Variants in PRICKLE2 observed in about 807,000 individuals in gnomAD.
PRICKLE2 encodes prickle-like protein 2.
A neutral mutation model predicts 81.4 loss-of-function variants in PRICKLE2; 21 were observed. The ratio of observed to expected loss-of-function variants is 0.26; its 90% confidence interval spans 0.18 to 0.37. PRICKLE2 has a LOEUF of 0.37. Among genes scored for constraint, PRICKLE2 ranks in the 10% least tolerant of loss-of-function variants. The probability of loss-of-function intolerance (pLI) is 1.00; values close to 1 mark genes in which losing one functional copy is unlikely to be tolerated. For missense variants in PRICKLE2, 940 were observed against 1,109.0 expected (o/e 0.85, Z 2.16); for synonymous variants, 456 against 421.5 (o/e 1.08, Z -1.00).
At position 64,098,890 on chromosome 3, in the gene PRICKLE2, C is replaced by A. The variant is rs1466012695; in HGVS notation, c.*161G>T. ...TCAACATGCCAAGAACTGTGACTAC[C>A]TATTGAGTCAACCTGTAACCTTGCC... On this transcript the variant is annotated 3_prime_UTR_variant, in exon 8 of 8. Coordinates refer to ENST00000638394, the MANE Select transcript of PRICKLE2 (RefSeq NM_198859.4). 5.4e-6 allele frequency: 4 copies of A among 740,648 alleles called. No homozygotes were observed. The highest frequency in any genetic ancestry group is 9.4e-6 in the Non-Finnish European group (4 of 425,770). The allele number at this position is 740,648 out of a possible 1,614,324, so 45.9% of individuals were successfully genotyped here.
intron 7 of PRICKLE2, among the ~76,000 whole-genome samples, chr3:64,121,292 G>A (rs936125370): frequency 1.0e-3 from 156 of 152,170 alleles, no homozygotes; most frequent in African/African-American, 3.6e-3. Context: ...GAATTTCTAC[G>A]GCACTTCTCA....
chr3:64,221,069 C>T (rs888014432), intron 1 of PRICKLE2, among the ~76,000 whole-genome samples: 1 of 151,410 alleles, frequency 6.6e-6, no homozygotes, highest in Non-Finnish European at 1.5e-5. Flanking sequence ...TAAAGGAGAA[C>T]AGAGTTGCCT....
At chr3:64,258,549 G>A (rs533691954) in intron 2 of PRICKLE2, among the ~76,000 whole-genome samples, 13 of 152,072 alleles carry the variant, frequency 8.5e-5, no homozygotes, top group Middle Eastern at 3.4e-3. Flanking sequence ...GGCTGGGTGT[G>A]GTGGCTCACG....
In PRICKLE2 at chr3:64,184,256, G is replaced by A. The variant is rs2078183435; in HGVS notation, c.144+14528C>T. Among the ~76,000 whole-genome samples the A allele has an allele frequency of 1.3e-5, 2 of 152,188 alleles. 1 individual carries two copies. The highest frequency in any genetic ancestry group is 4.1e-4 in the South Asian group (2 of 4,832). ...GCTCTATAAGGCAGGAAACATTACTGTCTTCATTTTATAGATGAGAAAGAA... is the reference window on the plus strand; with the variant it reads ...GCTCTATAAGGCAGGAAACATTACTATCTTCATTTTATAGATGAGAAAGAA... On this transcript the variant is annotated intron_variant, in intron 2 of 7. Coordinates refer to ENST00000638394, the MANE Select transcript of PRICKLE2 (RefSeq NM_198859.4).
At chr3:64,113,110 G>A (rs1292192253) in intron 7 of PRICKLE2, among the ~76,000 whole-genome samples, 1 of 152,176 alleles carries the variant, frequency 6.6e-6, no homozygotes, top group Non-Finnish European at 1.5e-5. Context: ...AGAAGGAGGG[G>A]GACCCCTTGA....
chr3:64,206,609 C>T (rs1266031799), intron 1 of PRICKLE2, among the ~76,000 whole-genome samples: 4 of 152,178 alleles, frequency 2.6e-5, no homozygotes, highest in African/African-American at 9.7e-5. Context: ...GTGTGGGCTC[C>T]TCTGTCCCAA....
intron 2 of PRICKLE2, among the ~76,000 whole-genome samples, chr3:64,266,629 TTGA>T (rs2079713689): frequency 2.0e-5 from 3 of 152,166 alleles, no homozygotes; most frequent in Admixed American, 2.0e-4. Context: ...GATTTGGCAA[TTGA>T]TGATTTGAAA....
At chr3:64,127,139 T>C (rs1437927191) in intron 7 of PRICKLE2, among the ~76,000 whole-genome samples, 1 of 152,098 alleles carries the variant, frequency 6.6e-6, no homozygotes, top group Non-Finnish European at 1.5e-5. Context: ...CTATGTCAAA[T>C]GGTGCTGAGT....
chr3:64,141,658 G>A, intron 7 of PRICKLE2: 1 of 254,852 alleles, frequency 3.9e-6, no homozygotes, highest in Non-Finnish European at 6.2e-6. Flanking sequence ...GTTTTCCAAG[G>A]AGAAGGGACT....
chr3:64,252,886 G>A (rs1303943490), intron 2 of PRICKLE2, among the ~76,000 whole-genome samples: 1 of 152,158 alleles, frequency 6.6e-6, no homozygotes, highest in Admixed American at 6.5e-5. Context: ...GACAAGTGAA[G>A]ACAAGACAAA....
chr3:64,165,128 C>G (rs2077807983), intron 2 of PRICKLE2, among the ~76,000 whole-genome samples: 1 of 152,150 alleles, frequency 6.6e-6, no homozygotes, highest in Non-Finnish European at 1.5e-5. Flanking sequence ...AATGCAGAGT[C>G]TAGTTGCGGT....
intron 2 of PRICKLE2, among the ~76,000 whole-genome samples, chr3:64,251,257 G>A (rs1304750707): frequency 6.6e-6 from 1 of 152,108 alleles, no homozygotes; most frequent in Admixed American, 6.5e-5. Flanking sequence ...AACCATCCCC[G>A]CTCCAGGTAG....
intron 2 of PRICKLE2, among the ~76,000 whole-genome samples, chr3:64,263,142 T>C (rs576444597): frequency 1.3e-5 from 2 of 152,340 alleles, no homozygotes; most frequent in African/African-American, 4.8e-5. Flanking sequence ...TTTTCTTTTT[T>C]AGAAGAGCAA....
At chr3:64,235,493 T>C (rs779774832) in intron 2 of PRICKLE2, among the ~76,000 whole-genome samples, 1 of 152,204 alleles carries the variant, frequency 6.6e-6, no homozygotes, top group Non-Finnish European at 1.5e-5. Context: ...TACTATATTA[T>C]AGCAATTCTG....
intron 2 of PRICKLE2, among the ~76,000 whole-genome samples, chr3:64,173,091 T>G (rs1186800388): frequency 6.6e-6 from 1 of 152,066 alleles, no homozygotes; most frequent in Admixed American, 6.5e-5. Context: ...CACCCCTAGG[T>G]GGAAAGAGGT....
chr3:64,249,950 T>C (rs1320548415), intron 2 of PRICKLE2, among the ~76,000 whole-genome samples: 1 of 152,204 alleles, frequency 6.6e-6, no homozygotes, highest in Non-Finnish European at 1.5e-5. Context: ...CTTGGTGAGA[T>C]GGTTTGACAG....
At chr3:64,264,597 T>A (rs1426267430) in intron 2 of PRICKLE2, among the ~76,000 whole-genome samples, 1 of 152,190 alleles carries the variant, frequency 6.6e-6, no homozygotes, top group Non-Finnish European at 1.5e-5. Flanking sequence ...TTAGAATTTA[T>A]CTAACATCCA....
At chr3:64,212,741 T>A (rs751051129) in intron 1 of PRICKLE2, among the ~76,000 whole-genome samples, 10 of 152,198 alleles carry the variant, frequency 6.6e-5, no homozygotes, top group Non-Finnish European at 1.2e-4. Context: ...ATTCTTGGTA[T>A]AATGAAACTT....
chr3:64,144,252 G>T (rs1052329346), intron 7 of PRICKLE2, among the ~76,000 whole-genome samples: 1 of 152,210 alleles, frequency 6.6e-6, no homozygotes, highest in Non-Finnish European at 1.5e-5. Flanking sequence ...ATATGCACAG[G>T]TTCAAATCCC....
Sources: gnomAD v4.1 joint callset for allele counts (sites outside exome capture counted in the v4.1 genomes callset) on GRCh38, gnomAD v4.1.1 for gene constraint, MANE v1.5 for transcripts, NCBI Gene and HGNC (gene_info 2026-07-23, HGNC 2026-07-21) for gene names.